WWP2: variants seen among roughly 807,000 people sequenced by gnomAD.
WWP2 encodes WW domain containing E3 ubiquitin protein ligase 2.
Under a neutral mutation model 121.0 loss-of-function variants are expected in WWP2, and 57 were observed. That is an observed-to-expected ratio of 0.47 (90% confidence interval 0.38 to 0.59). The LOEUF (loss-of-function observed/expected upper bound fraction) is 0.59, where lower values mean the gene tolerates loss of function less well. Ranked by LOEUF, WWP2 falls within the 20% of genes least tolerant of loss-of-function variation. WWP2 has a pLI of 0.00. For synonymous variants in WWP2, 449 were observed against 441.3 expected (o/e 1.02, Z -0.22); for missense variants, 962 against 1,158.9 (o/e 0.83, Z 2.47).
intron 15 of WWP2, 57 bp downstream of exon 15, chr16:69,931,637 A>G (rs1320686769): frequency 1.2e-6 from 2 of 1,607,312 alleles, no homozygotes; most frequent in Non-Finnish European, 1.7e-6. Context: ...CCAGCACCCC[A>G]TCTCCTATCG....
At chr16:69,831,188 T>C (rs2056787105) in intron 4 of WWP2, among the ~76,000 whole-genome samples, 1 of 152,230 alleles carries the variant, frequency 6.6e-6, no homozygotes, top group Non-Finnish European at 1.5e-5. Flanking sequence ...TTCTCCTTTC[T>C]TTCTTGTTTC....
intron 7 of WWP2, 119 bp downstream of exon 7, chr16:69,872,050 G>C: frequency 7.1e-7 from 1 of 1,403,466 alleles, no homozygotes; most frequent in East Asian, 2.5e-5. Context: ...GAAGGCTCTA[G>C]GACTAAACTG....
chr16:69,917,669 G>A (rs1409834349), intron 9 of WWP2, 40 bp from the exon 10 acceptor site: 2 of 1,589,468 alleles, frequency 1.3e-6, no homozygotes, highest in African/African-American at 1.3e-5. Flanking sequence ...GGATGGGAGT[G>A]GGGTGGTCAT....
intron 19 of WWP2, 135 bp from the exon 20 acceptor site, chr16:69,936,983 C>G: frequency 8.0e-7 from 1 of 1,248,976 alleles, no homozygotes; most frequent in Non-Finnish European, 1.1e-6. Context: ...GGTCCTCCAG[C>G]AGGCTGGGTC....
rs147766796 is a variant in WWP2, at chr16:69,785,055, G to A, written c.-15-1941G>A. 1.9e-3 allele frequency among the ~76,000 whole-genome samples: 289 copies of A among 152,072 alleles called. 1 individual carries two copies. The highest frequency in any genetic ancestry group is 6.7e-3 in the African/African-American group (276 of 41,478). ...GTTCGAGACCAGCTTGGCCAACATG[G>A]CGAAACCCCATCTCTACTAAAAATA... On this transcript the variant is annotated intron_variant, in intron 1 of 23. Transcript: ENST00000359154.
chr16:69,838,807 C>T, intron 4 of WWP2: 1 of 985,482 alleles, frequency 1.0e-6, no homozygotes, highest in Non-Finnish European at 1.2e-6. Flanking sequence ...CAGACTCACT[C>T]AGAAAAGAAT....
chr16:69,772,532 C>A (rs2055439071), intron 1 of WWP2, among the ~76,000 whole-genome samples: 1 of 152,176 alleles, frequency 6.6e-6, no homozygotes, highest in Non-Finnish European at 1.5e-5. Flanking sequence ...ACTGCTCCTG[C>A]AGAGCAGGGC....
At chr16:69,886,426 G>A (rs2057926012) in intron 7 of WWP2, among the ~76,000 whole-genome samples, 1 of 151,780 alleles carries the variant, frequency 6.6e-6, no homozygotes, top group Non-Finnish European at 1.5e-5. Flanking sequence ...ACTCAGACCA[G>A]GTAATAGAAT....
intron 8 of WWP2, among the ~76,000 whole-genome samples, chr16:69,898,200 G>GT (rs1361107262): frequency 3.3e-5 from 5 of 151,594 alleles, no homozygotes; most frequent in African/African-American, 9.7e-5. Context: ...GCTAGTTTTT[G>GT]TTTTTTTAGT....
At position 69,939,591 on chromosome 16, in the gene WWP2, T is replaced by C. The variant is rs901838472; in HGVS notation, c.2513+178T>C. Among the ~76,000 whole-genome samples the C allele has an allele frequency of 3.3e-5, 5 of 152,158 alleles. No individual in the cohort carries two copies. In the South Asian group the frequency reaches 1.0e-3, roughly 31 times the overall value. Reference sequence around the variant, plus strand: ...CATCTGATCTACCGGGTTTTACATATGAAGCACTTCTGTTCCAGTAGTCCA... The same window carrying C: ...CATCTGATCTACCGGGTTTTACATACGAAGCACTTCTGTTCCAGTAGTCCA... On this transcript the variant is annotated intron_variant, in intron 23 of 23. Transcript: ENST00000359154.
At chr16:69,938,555 A>ACTGCAGTGAGCTGGACCGTGCCACTGCT in intron 21 of WWP2, among the ~76,000 whole-genome samples, 1 of 152,090 alleles carries the variant, frequency 6.6e-6, no homozygotes, top group Admixed American at 6.5e-5. Context: ...GGAGGTGGAG[A>ACTGCAGTGAGCTGGACCGTGCCACTGCT]CTGCAGTGAG....
At chr16:69,923,073 A>T (rs1213726207) in intron 10 of WWP2, among the ~76,000 whole-genome samples, 1 of 152,048 alleles carries the variant, frequency 6.6e-6, no homozygotes, top group Non-Finnish European at 1.5e-5. Flanking sequence ...TATTTTCAGT[A>T]GAGACAGGGT....
chr16:69,855,328 A>T (rs984284233), intron 6 of WWP2, among the ~76,000 whole-genome samples: 4 of 152,128 alleles, frequency 2.6e-5, no homozygotes, highest in Non-Finnish European at 5.9e-5. Flanking sequence ...AGTATTTTTT[A>T]GTTCACTTCA....
At chr16:69,839,055 T>A (rs1335389157) in intron 4 of WWP2, among the ~76,000 whole-genome samples, 1 of 151,108 alleles carries the variant, frequency 6.6e-6, no homozygotes, top group Non-Finnish European at 1.5e-5. Flanking sequence ...TTAGTGTGCT[T>A]ATGGAGACAT....
intron 4 of WWP2, chr16:69,838,832 G>A (rs1306264024): frequency 1.0e-6 from 1 of 985,404 alleles, no homozygotes; most frequent in Non-Finnish European, 1.2e-6. Flanking sequence ...GAGATCCATG[G>A]CAGGGAAGAG....
chr16:69,903,077 C>T (rs1347702306), intron 8 of WWP2, among the ~76,000 whole-genome samples: 1 of 152,206 alleles, frequency 6.6e-6, no homozygotes, highest in Non-Finnish European at 1.5e-5. Flanking sequence ...GGCAACTATT[C>T]TTCTCGCTAA....
chr16:69,773,470 C>T (rs958831401), intron 1 of WWP2, among the ~76,000 whole-genome samples: 4 of 151,920 alleles, frequency 2.6e-5, no homozygotes, highest in African/African-American at 7.3e-5. Context: ...TGAGCCACCA[C>T]GCCCAGCCAC....
chr16:69,912,487 T>G (rs907429152), intron 9 of WWP2, among the ~76,000 whole-genome samples: 1 of 151,858 alleles, frequency 6.6e-6, no homozygotes, highest in Non-Finnish European at 1.5e-5. Flanking sequence ...AAACTATAGC[T>G]GAAGGCCAGG....
At chr16:69,921,110 G>C (rs915121142) in intron 10 of WWP2, among the ~76,000 whole-genome samples, 1 of 152,174 alleles carries the variant, frequency 6.6e-6, no homozygotes, top group African/African-American at 2.4e-5. Context: ...TCTGCATGGA[G>C]GTGATAGTTA....
Sources: allele counts gnomAD v4.1 joint callset (sites outside exome capture counted in the v4.1 genomes callset), GRCh38; gene constraint gnomAD v4.1.1; transcripts MANE v1.5; gene names NCBI Gene and HGNC (gene_info 2026-07-23, HGNC 2026-07-21).